The following ATP10B variants were observed in gnomAD, a reference collection of about 807,000 sequenced individuals.
ATP10B encodes ATPase phospholipid transporting 10B (putative), also known as phospholipid-transporting ATPase VB.
A neutral mutation model predicts 141.2 loss-of-function variants in ATP10B; 122 were observed. That is an observed-to-expected ratio of 0.86 (90% CI 0.75 to 1.00). ATP10B has a LOEUF of 1.00. Ranked by LOEUF, ATP10B falls within the 50% of genes least tolerant of loss-of-function variation. ATP10B has a pLI of 0.00. For synonymous variants in ATP10B, 685 were observed against 692.0 expected, an observed-to-expected ratio of 0.99 and a Z score of 0.16; for missense variants, 1,876 against 1,825.3, an observed-to-expected ratio of 1.03 and a Z score of -0.51.
intron 6 of ATP10B, among the ~76,000 whole-genome samples, chr5:160,676,717 CT>C (rs1417871803): frequency 1.3e-5 from 2 of 152,168 alleles, no homozygotes; most frequent in Non-Finnish European, 2.9e-5. Context: ...TATAGATACC[CT>C]AGTGGAGACT....
the ATP10B span, among the ~76,000 whole-genome samples, chr5:160,920,248 ATCTT>A: frequency 3.3e-5 from 5 of 152,212 alleles, no homozygotes; most frequent in Non-Finnish European, 5.9e-5. Flanking sequence ...TTGAATCGAC[ATCTT>A]TCTAACTCCA....
At chr5:160,789,644 T>C (rs886205074) in intron 1 of ATP10B, among the ~76,000 whole-genome samples, 2 of 152,180 alleles carry the variant, frequency 1.3e-5, no homozygotes, top group Admixed American at 6.6e-5. Flanking sequence ...GCACTTTGCA[T>C]CTATTATCTT....
chr5:160,619,517 C>T (rs945083703), intron 15 of ATP10B, among the ~76,000 whole-genome samples: 1 of 152,160 alleles, frequency 6.6e-6, no homozygotes, highest in Non-Finnish European at 1.5e-5. Flanking sequence ...TAGCTCCCTT[C>T]CCATTCTACA....
rs553464978 is a variant in ATP10B at position 160,663,221 on chromosome 5, G to A, written c.675+7242C>T. ...GTAAACTAGTTCAACCATTGTGGAA[G>A]TCAGTGTGGCAATTCCTCAGGGATC... On this transcript the variant is annotated intron_variant, in intron 7 of 25. Transcript: ENST00000327245. Among the ~76,000 whole-genome samples the A allele has an allele frequency of 5.6e-4, 85 of 152,318 alleles. 3 individuals are homozygous for A. In the South Asian group the frequency reaches 0.014, roughly 25 times the overall value.
intron 1 of ATP10B, among the ~76,000 whole-genome samples, chr5:160,805,322 C>A (rs1045989880): frequency 1.3e-5 from 2 of 152,172 alleles, no homozygotes; most frequent in African/African-American, 4.8e-5. Context: ...TCCTGCATGG[C>A]AGCTCCTCAG....
chr5:160,753,185 AGCCGT>A (rs59562420), intron 2 of ATP10B, among the ~76,000 whole-genome samples: 3,413 of 152,266 alleles, frequency 0.022, 119 homozygotes, highest in African/African-American at 0.077. Flanking sequence ...CAGAGGGTGA[AGCCGT>A]GCTTATCTAA....
the ATP10B span, among the ~76,000 whole-genome samples, chr5:160,877,318 T>G: frequency 7.1e-6 from 1 of 140,792 alleles, no homozygotes; most frequent in African/African-American, 2.6e-5. Context: ...GAAAAAGCCT[T>G]TGACAAAATT....
intron 2 of ATP10B, among the ~76,000 whole-genome samples, chr5:160,727,349 T>C (rs1431684390): frequency 6.6e-6 from 1 of 152,202 alleles, no homozygotes; most frequent in Non-Finnish European, 1.5e-5. Flanking sequence ...GTATAAGTGG[T>C]ACAGCCTACA....
intron 2 of ATP10B, among the ~76,000 whole-genome samples, chr5:160,731,108 A>T (rs901176764): frequency 2.0e-5 from 3 of 152,188 alleles, no homozygotes; most frequent in Admixed American, 1.3e-4. Context: ...AAGATGTAGA[A>T]ACTGCTTTTT....
intron 22 of ATP10B, among the ~76,000 whole-genome samples, chr5:160,591,411 G>C (rs567848013): frequency 6.6e-6 from 1 of 152,136 alleles, no homozygotes; most frequent in Non-Finnish European, 1.5e-5. Flanking sequence ...TATCTCCTTG[G>C]GGTTCAAGAG....
chr5:160,694,714 C>G (rs887119825), intron 3 of ATP10B, among the ~76,000 whole-genome samples: 2 of 152,226 alleles, frequency 1.3e-5, no homozygotes, highest in South Asian at 4.1e-4. Context: ...ACTAGTCATT[C>G]ATTCAATCAA....
intron 8 of ATP10B, among the ~76,000 whole-genome samples, chr5:160,647,623 A>G (rs185912747): frequency 6.6e-6 from 1 of 152,306 alleles, no homozygotes; most frequent in East Asian, 1.9e-4. Flanking sequence ...AAATCTAACA[A>G]TGAGGCTGTT....
At chr5:160,725,507 G>GCGATCT (rs1430083822) in intron 2 of ATP10B, among the ~76,000 whole-genome samples, 1 of 151,566 alleles carries the variant, frequency 6.6e-6, no homozygotes, top group Non-Finnish European at 1.5e-5. Context: ...GTGCAGTGGT[G>GCGATCT]CGATCTCGGC....
At chr5:160,798,034 G>A (rs752876871) in intron 1 of ATP10B, among the ~76,000 whole-genome samples, 2 of 152,066 alleles carry the variant, frequency 1.3e-5, no homozygotes, top group Non-Finnish European at 2.9e-5. Context: ...GTGGGCAAGG[G>A]AAGGTTTCTT....
At chr5:160,603,869 G>GAAGTTCTCAGGGA in intron 20 of ATP10B, 96 bp downstream of exon 20, 1 of 1,033,400 alleles carries the variant, frequency 9.7e-7, no homozygotes, top group Non-Finnish European at 1.5e-6. Context: ...GGATGTGGGT[G>GAAGTTCTCAGGGA]GAAGTTCTCA....
At chr5:160,869,700 C>G in the ATP10B span, among the ~76,000 whole-genome samples, 15 of 152,130 alleles carry the variant, frequency 9.9e-5, no homozygotes, top group Admixed American at 9.8e-4. Flanking sequence ...GTGAATACAG[C>G]AAACCATGGC....
At chr5:160,640,349 G>T in intron 10 of ATP10B, 112 bp downstream of exon 10, 1 of 1,220,190 alleles carries the variant, frequency 8.2e-7, no homozygotes, top group Non-Finnish European at 1.1e-6. Context: ...CGTTAAAGTG[G>T]GCAGGGTAGG....
At chr5:160,811,863 G>C (rs1022256214) in intron 1 of ATP10B, among the ~76,000 whole-genome samples, 1 of 152,118 alleles carries the variant, frequency 6.6e-6, no homozygotes, top group Non-Finnish European at 1.5e-5. Context: ...GCAGTAGCCA[G>C]GTAGTAGTTA....
Position 160,622,538 on chromosome 5 carries a change from A to G in ATP10B, c.1668T>C (p.Asp556=), listed in dbSNP as rs749805720. 1 of 1,613,940 alleles carries G rather than the reference A, an allele frequency of 6.2e-7. No homozygotes were observed. Among genetic ancestry groups the G allele is most frequent in the East Asian group, 2.2e-5 (1 of 44,872 alleles). The part of the protein sequence containing the change: ...PDKNLLTKVR[D]AALWLETLSD... ...ACAAGGTCTCCAACCACAGGGCAGC[A>G]TCTCGAACCTTGGTCAGTAGGTTTT... Residue 556 remains aspartate, a synonymous_variant, in exon 14 of 26, where the codon GAT becomes GAC. Coordinates refer to ENST00000327245, the MANE Select transcript of ATP10B (RefSeq NM_025153.3).
Sources: allele counts gnomAD v4.1 joint callset (sites outside exome capture counted in the v4.1 genomes callset), GRCh38; gene constraint gnomAD v4.1.1; transcripts MANE v1.5; gene names NCBI Gene and HGNC (gene_info 2026-07-23, HGNC 2026-07-21).